Variants in GTF2F1 observed in about 807,000 individuals in gnomAD.
The protein encoded by GTF2F1 is general transcription factor IIF 74 kDa subunit.
GTF2F1 carries 39 observed loss-of-function variants against 63.5 expected under a neutral mutation model. The observed-to-expected ratio is 0.61, with a 90% CI of 0.48 to 0.80. GTF2F1 has a LOEUF of 0.80. GTF2F1 is among the 30% of genes least tolerant of loss of function. The probability of loss-of-function intolerance (pLI) is 0.00; values close to 1 mark genes in which losing one functional copy is unlikely to be tolerated. For missense variants in GTF2F1, 657 were observed against 718.3 expected (o/e 0.91, Z 0.97); for synonymous variants, 287 against 285.3 (o/e 1.01, Z -0.06).
intron 5 of GTF2F1, among the ~76,000 whole-genome samples, chr19:6,385,796 A>G (rs2091971832): frequency 6.6e-6 from 1 of 152,202 alleles, no homozygotes; most frequent in Admixed American, 6.5e-5. Flanking sequence ...ATTAAAAACT[A>G]AAGCAGGGGC....
At chr19:6,384,909 G>A (rs1296400416) in intron 5 of GTF2F1, among the ~76,000 whole-genome samples, 3 of 151,686 alleles carry the variant, frequency 2.0e-5, no homozygotes, top group East Asian at 1.9e-4. Context: ...TCAGCCTCCC[G>A]AGTAGCTGGG....
chr19:6,386,298 G>T, intron 5 of GTF2F1, among the ~76,000 whole-genome samples: 1 of 151,514 alleles, frequency 6.6e-6, no homozygotes, highest in Non-Finnish European at 1.5e-5. Flanking sequence ...TGAGGCAGGA[G>T]AATTGCTTGA....
intron 4 of GTF2F1, 141 bp downstream of exon 4, chr19:6,389,303 T>C (rs1019906752): frequency 5.6e-5 from 26 of 460,646 alleles, no homozygotes; most frequent in Non-Finnish European, 1.0e-4. Flanking sequence ...AATAAAATCC[T>C]ACAGGGATGG....
rs1264330666 is a variant in GTF2F1 at position 6,380,956 on chromosome 19, C to A, written c.1179G>T (p.Glu393Asp). The part of the protein sequence containing the change: ...GNSRPGTPSA[E>D]GGSTSSTLRA... ...GCAGGGTGGAGGAGGTGCTGCCACC[C>A]TCTGCGCTGGGCGTGCCTGGGCGGC... Residue 393 changes from glutamate to aspartate, a missense_variant, in exon 11 of 13, where the codon GAG becomes GAT. By Grantham distance (45) the Glu-to-Asp change is conservative. Coordinates refer to ENST00000394456, the MANE Select transcript of GTF2F1 (RefSeq NM_002096.3). The surrounding 1 kb of genome is among the most constrained non-coding windows in gnomAD (Gnocchi z 5.3). The A allele has an allele frequency of 6.3e-7, 1 of 1,595,664 alleles. No individual in the cohort carries two copies. Among genetic ancestry groups the A allele is most frequent in the Non-Finnish European group, 8.5e-7 (1 of 1,171,394 alleles).
rs548927066 is a variant in GTF2F1 at position 6,389,960 on chromosome 19, G to C, written c.133-323C>G. Among the ~76,000 whole-genome samples, 6 of 152,328 alleles carry C rather than the reference G, an allele frequency of 3.9e-5. No individual in the cohort carries two copies. The East Asian group carries it at 1.2e-3, about 29-fold the overall frequency. Reference sequence around the variant, plus strand: ...TGAGGAATGTAGAAGTAATTAATTAGACTTCCCTATTATCTACAGCAGGCA... The same window carrying C: ...TGAGGAATGTAGAAGTAATTAATTACACTTCCCTATTATCTACAGCAGGCA... On this transcript the variant is annotated intron_variant, in intron 3 of 12. Coordinates refer to ENST00000394456, the MANE Select transcript of GTF2F1 (RefSeq NM_002096.3).
Position 6,387,524 on chromosome 19 carries a change from TTC to T in GTF2F1, c.360_361del (p.Asn121HisfsTer70). 1 of 1,614,174 alleles carries T rather than the reference TTC, an allele frequency of 6.2e-7. No individual in the cohort carries two copies. The highest frequency in any genetic ancestry group is 2.2e-5 in the East Asian group (1 of 44,872). On this transcript the variant is annotated frameshift_variant, in exon 5 of 13. Transcript: ENST00000394456. LOFTEE classifies it high-confidence loss of function. ...CTGGGTGAAGATGTAGTAGGACGTG[TTC>T]TCTGTTACGCCTCCCTTCTTGATGC...
intron 2 of GTF2F1, chr19:6,392,537 G>A (rs1049004665): frequency 3.5e-6 from 2 of 563,714 alleles, no homozygotes; most frequent in African/African-American, 3.7e-5. Context: ...GGCCTGGAAA[G>A]GAAAGACAGC....
In GTF2F1 at chr19:6,387,428, C is replaced by T. The variant is rs769115518; in HGVS notation, c.458G>A (p.Arg153His). The T allele has an allele frequency of 3.7e-5, 59 of 1,614,100 alleles. No homozygotes were observed. Among genetic ancestry groups the T allele is most frequent in the Non-Finnish European group, 4.7e-5 (55 of 1,180,036 alleles). The part of the protein sequence containing the change: ...WYNFTPLARH[R>H]TLTAEEAEEE... The stretch of plus-strand genomic sequence containing the variant: ...CTCGGCCTCCTCGGCAGTGAGCGTG[C>T]GATGCCGGGCCAGCGGTGTGAAATT... The change falls in exon 5 of 13, where the codon CGC becomes CAC. Residue 153 changes from arginine to histidine, a missense_variant. Arg to His is a conservative substitution (Grantham distance 29, BLOSUM62 0). Coordinates refer to ENST00000394456, the MANE Select transcript of GTF2F1 (RefSeq NM_002096.3).
rs764253774 is a variant in GTF2F1, at chr19:6,389,508, G to GGAC, written c.259_261dup (p.Val87dup). ...TGGTCCTCGGGCCGGAACTCCTTGA[G>GGAC]GACGATGCCGTACTTCTTCCTCCGA... is the stretch of plus-strand genomic sequence containing the variant. On this transcript the variant is annotated inframe_insertion, in exon 4 of 13. Transcript: ENST00000394456. 6.2e-7 allele frequency: 1 copy of GGAC among 1,614,242 alleles called. No homozygotes were observed. The highest frequency in any genetic ancestry group is 1.7e-5 in the Admixed American group (1 of 60,036).
Position 6,393,161 on chromosome 19 carries a change from A to G in GTF2F1, c.-166T>C. 1.2e-6 allele frequency: 1 copy of G among 822,638 alleles called. No homozygotes were observed. The allele number at this position is 822,638 out of a possible 1,614,324, so 51.0% of individuals were successfully genotyped here. ...CTGGCGCTGGGAAAAGGTAACCGGAAGAGGCGCTCAAGCTACTCGGTCTAC... is the reference window on the plus strand; with the variant it reads ...CTGGCGCTGGGAAAAGGTAACCGGAGGAGGCGCTCAAGCTACTCGGTCTAC... On this transcript the variant is annotated 5_prime_UTR_variant, in exon 1 of 13. Transcript: ENST00000394456.
At chr19:6,386,039 G>A (rs2091972638) in intron 5 of GTF2F1, among the ~76,000 whole-genome samples, 1 of 152,074 alleles carries the variant, frequency 6.6e-6, no homozygotes, top group Non-Finnish European at 1.5e-5. Flanking sequence ...TCGCGCCACT[G>A]CACTCCAGCC....
At position 6,389,418 on chromosome 19, in the gene GTF2F1, G is replaced by A. The variant is rs559215422; in HGVS notation, c.326+26C>T. The A allele has an allele frequency of 1.7e-5, 27 of 1,606,642 alleles. 1 individual carries two copies. Among genetic ancestry groups the A allele is most frequent in the East Asian group, 6.7e-5 (3 of 44,684 alleles). ...GGGGATGTGGACTGGTCACTAAGCC[G>A]GCACCGCCACCGCCCCACCACTTAC... is the stretch of plus-strand genomic sequence containing the variant. On this transcript the variant is annotated intron_variant, in intron 4 of 12. Transcript: ENST00000394456.
rs1475386742 is a variant in GTF2F1 at position 6,387,441 on chromosome 19, G to A, written c.445C>T (p.Leu149=). Residue 149 remains leucine, a synonymous_variant, in exon 5 of 13, where the codon CTG becomes TTG. Transcript: ENST00000394456. The part of the protein sequence containing the change: ...PVHNWYNFTP[L]ARHRTLTAEE... ...GCAGTGAGCGTGCGATGCCGGGCCA[G>A]CGGTGTGAAATTGTACCAGTTGTGC... is the stretch of plus-strand genomic sequence containing the variant. 2 of 1,614,114 alleles carry A rather than the reference G, an allele frequency of 1.2e-6. No homozygotes were observed. Among genetic ancestry groups the A allele is most frequent in the Non-Finnish European group, 1.7e-6 (2 of 1,180,030 alleles).
rs139822657 is a variant in GTF2F1, at chr19:6,387,520, C to T, written c.366G>A (p.Thr122=). The change falls in exon 5 of 13, where the codon ACG becomes ACA. Residue 122 remains threonine, a synonymous_variant. Coordinates refer to ENST00000394456, the MANE Select transcript of GTF2F1 (RefSeq NM_002096.3). ...GGCACTGGGTGAAGATGTAGTAGGA[C>T]GTGTTCTCTGTTACGCCTCCCTTCT... ...GIKKGGVTEN[T]SYYIFTQCPD... is the part of the protein sequence containing the mutation. 1.7e-4 allele frequency: 278 copies of T among 1,614,168 alleles called. No individual in the cohort carries two copies. In the African/African-American group the frequency reaches 3.3e-3, roughly 19 times the overall value.
chr19:6,383,192 G>A lies in GTF2F1; in HGVS notation c.682+119C>T. ...GCTGGGATGACAGGCGTGAGCCACT[G>A]TGCCCGGCCCCACTTGCCTCTCATT... On this transcript the variant is annotated intron_variant, in intron 6 of 12. Transcript: ENST00000394456. The surrounding 1 kb of genome is among the most constrained non-coding windows in gnomAD (Gnocchi z 4.5). 1 of 1,069,252 alleles carries A rather than the reference G, an allele frequency of 9.4e-7. No individual in the cohort carries two copies. Among genetic ancestry groups the A allele is most frequent in the Non-Finnish European group, 1.4e-6 (1 of 723,146 alleles). The allele number at this position is 1,069,252 out of a possible 1,614,324, so 66.2% of individuals were successfully genotyped here. A position where few individuals can be genotyped will look rare whatever the true frequency, so the allele number is the denominator to read the frequency against.
At chr19:6,382,346 A>G (rs1027692144) in intron 6 of GTF2F1, among the ~76,000 whole-genome samples, 1 of 151,988 alleles carries the variant, frequency 6.6e-6, no homozygotes, top group African/African-American at 2.4e-5. Context: ...AAACACAAAA[A>G]TTAGGCCGGG....
intron 3 of GTF2F1, among the ~76,000 whole-genome samples, chr19:6,391,188 A>C (rs955883717): frequency 1.3e-5 from 2 of 152,164 alleles, no homozygotes; most frequent in Admixed American, 1.3e-4. Flanking sequence ...CAGCCAGATC[A>C]CACACACTAC....
rs779121752 is a variant in GTF2F1, at chr19:6,383,273, G to C, written c.682+38C>G. The stretch of plus-strand genomic sequence containing the variant: ...GCCTTCACTGGCACTGCCTGAGCAG[G>C]CACCTCTGTGACCTAATGCCCAGGC... On this transcript the variant is annotated intron_variant, in intron 6 of 12. Transcript: ENST00000394456. The surrounding 1 kb of genome is among the most constrained non-coding windows in gnomAD (Gnocchi z 4.5). The C allele has an allele frequency of 6.3e-7, 1 of 1,597,742 alleles. No homozygotes were observed. The highest frequency in any genetic ancestry group is 1.1e-5 in the South Asian group (1 of 90,640).
At chr19:6,391,174 A>T (rs979578927) in intron 3 of GTF2F1, among the ~76,000 whole-genome samples, 1 of 152,124 alleles carries the variant, frequency 6.6e-6, no homozygotes, top group African/African-American at 2.4e-5. Context: ...TTGTCTCCCC[A>T]TAGCAGCCAG....
Sources: gnomAD v4.1 joint callset for allele counts (sites outside exome capture counted in the v4.1 genomes callset) on GRCh38, gnomAD v4.1.1 for gene constraint, Gnocchi (gnomAD v3.1) non-coding constraint, MANE v1.5 for transcripts, NCBI Gene and HGNC (gene_info 2026-07-23, HGNC 2026-07-21) for gene names.